Variants in WSCD2 observed in about 807,000 individuals in gnomAD.
WSCD2 encodes the protein WSC domain sialate O sulfotransferase 2.
A neutral mutation model predicts 55.7 loss-of-function variants in WSCD2; 28 were observed. That is an observed-to-expected ratio of 0.50 (90% CI 0.37 to 0.69). WSCD2 has a LOEUF of 0.69. WSCD2 is among the 30% of genes least tolerant of loss of function. The pLI, the probability that WSCD2 is intolerant of heterozygous loss-of-function variation, is 0.00. For synonymous variants in WSCD2, 301 were observed against 301.9 expected (o/e 1.00, Z 0.03); for missense variants, 616 against 762.1 (o/e 0.81, Z 2.26).
At chr12:108,226,202 A>G (rs1888065505) in intron 5 of WSCD2, among the ~76,000 whole-genome samples, 1 of 152,136 alleles carries the variant, frequency 6.6e-6, no homozygotes, top group African/African-American at 2.4e-5. Context: ...ACTGGCTACC[A>G]GGGAGAACTA....
intron 1 of WSCD2, among the ~76,000 whole-genome samples, chr12:108,163,143 G>A (rs193271279): frequency 1.1e-3 from 174 of 152,272 alleles, no homozygotes; most frequent in African/African-American, 4.0e-3. Context: ...CTGATTCCAA[G>A]TCTGAGCTCG....
rs558629592 is a variant in WSCD2 at position 108,184,299 on chromosome 12, C to A, written c.-551-10983C>A. On this transcript the variant is annotated intron_variant, in intron 1 of 8. Coordinates refer to ENST00000547525, the MANE Select transcript of WSCD2 (RefSeq NM_014653.4). ...AGAGGTGGGCTGGGGAGCACAGAGA[C>A]CACCTCTCCACCACCACCCCCCAAA... Among the ~76,000 whole-genome samples the A allele has an allele frequency of 5.9e-5, 9 of 152,228 alleles. No homozygotes were observed. In the South Asian group the frequency reaches 1.0e-3, roughly 18 times the overall value.
At chr12:108,150,209 C>G (rs1877832453) in intron 1 of WSCD2, among the ~76,000 whole-genome samples, 1 of 152,140 alleles carries the variant, frequency 6.6e-6, no homozygotes, top group African/African-American at 2.4e-5. Flanking sequence ...CAGTTGGTGG[C>G]AGAACCAGGG....
chr12:108,187,230 G>T (rs1882616978), intron 1 of WSCD2, among the ~76,000 whole-genome samples: 1 of 152,196 alleles, frequency 6.6e-6, no homozygotes, highest in Admixed American at 6.5e-5. Context: ...GCCTCTGTAA[G>T]CAAGGGGTGG....
intron 2 of WSCD2, among the ~76,000 whole-genome samples, chr12:108,204,810 G>C (rs969402020): frequency 1.3e-5 from 2 of 152,234 alleles, no homozygotes; most frequent in African/African-American, 2.4e-5. Flanking sequence ...TCAGGGGAAT[G>C]ATTGCTCAGT....
intron 1 of WSCD2, among the ~76,000 whole-genome samples, chr12:108,182,515 A>G (rs1881918559): frequency 6.6e-6 from 1 of 152,202 alleles, no homozygotes; most frequent in Non-Finnish European, 1.5e-5. Flanking sequence ...TATGCCCAGG[A>G]GAGAGGTCTG....
intron 1 of WSCD2, among the ~76,000 whole-genome samples, chr12:108,168,850 A>C (rs974249447): frequency 6.6e-6 from 1 of 152,198 alleles, no homozygotes; most frequent in Non-Finnish European, 1.5e-5. Context: ...GGTGTATAGC[A>C]AGTCCTCAAT....
chr12:108,164,138 CCTTTTTTTTTTT>C (rs1879376408), intron 1 of WSCD2, among the ~76,000 whole-genome samples: 1 of 71,706 alleles, frequency 1.4e-5, no homozygotes, highest in Non-Finnish European at 2.6e-5. Flanking sequence ...AATCTTAAAT[CCTTTTTTTTTTT>C]TTTTTTTTTT....
intron 1 of WSCD2, among the ~76,000 whole-genome samples, chr12:108,178,349 T>A (rs868308978): frequency 6.6e-6 from 1 of 151,920 alleles, no homozygotes; most frequent in Non-Finnish European, 1.5e-5. Context: ...ACACCCCCCC[T>A]AATAAAAAGT....
At chr12:108,150,742 G>A (rs777155125) in intron 1 of WSCD2, among the ~76,000 whole-genome samples, 13 of 152,112 alleles carry the variant, frequency 8.5e-5, no homozygotes, top group Non-Finnish European at 1.5e-4. Context: ...CACCCTGCCC[G>A]GATACGACTG....
intron 5 of WSCD2, 101 bp from the exon 6 acceptor site, chr12:108,226,886 GAGA>G (rs1340099483): frequency 4.3e-5 from 58 of 1,355,214 alleles, no homozygotes; most frequent in Non-Finnish European, 5.7e-5. Flanking sequence ...GAGACTGACA[GAGA>G]AGACAGTGGT....
chr12:108,155,102 T>C (rs1184347549), intron 1 of WSCD2, among the ~76,000 whole-genome samples: 1 of 152,186 alleles, frequency 6.6e-6, no homozygotes, highest in Non-Finnish European at 1.5e-5. Context: ...TCACATTCTT[T>C]TGTGGGGCCT....
intron 4 of WSCD2, among the ~76,000 whole-genome samples, chr12:108,221,835 A>G (rs1208851787): frequency 1.3e-5 from 2 of 152,198 alleles, no homozygotes; most frequent in Non-Finnish European, 2.9e-5. Context: ...TGAGGCCTGG[A>G]GGGACCACGC....
rs932166078 is a variant in WSCD2, at chr12:108,249,262, A to T, written c.*919A>T. The T allele has an allele frequency of 2.0e-5, 3 of 152,686 alleles. No individual in the cohort carries two copies. Among genetic ancestry groups the T allele is most frequent in the East Asian group, 1.9e-4 (1 of 5,186 alleles). The allele number at this position is 152,686 out of a possible 1,614,324, so 9.5% of individuals were successfully genotyped here. ...GACCCCTACAAATGGGTCCTTTGCTATCCAGGTGAGACAGCAAGAGTGTTC... is the reference window on the plus strand; with the variant it reads ...GACCCCTACAAATGGGTCCTTTGCTTTCCAGGTGAGACAGCAAGAGTGTTC... On this transcript the variant is annotated 3_prime_UTR_variant, in exon 9 of 9. Transcript: ENST00000547525.
rs147800475 is a variant in WSCD2, at chr12:108,233,047, A to ACC, written c.1144+158_1144+159dup. On this transcript the variant is annotated intron_variant, in intron 7 of 8. Transcript: ENST00000547525. The stretch of plus-strand genomic sequence containing the variant: ...TTTTGAGACTCACTGCATGCTTGGT[A>ACC]CCCCCCCACCTTCCTTTATGCCCCA... The ACC allele has an allele frequency of 1.0e-4, 101 of 980,158 alleles. No individual in the cohort carries two copies. In the African/African-American group the frequency reaches 1.5e-3, roughly 14 times the overall value. The allele number at this position is 980,158 out of a possible 1,614,324, so 60.7% of individuals were successfully genotyped here. A position where few individuals can be genotyped will look rare whatever the true frequency, so the allele number is the denominator to read the frequency against.
intron 1 of WSCD2, among the ~76,000 whole-genome samples, chr12:108,165,747 C>CT (rs1441383259): frequency 6.6e-6 from 1 of 152,148 alleles, no homozygotes; most frequent in African/African-American, 2.4e-5. Flanking sequence ...AATTGATTTA[C>CT]TTTTTTACTG....
In WSCD2 at chr12:108,133,158, G is replaced by A. The variant is rs769143861; in HGVS notation, c.-552+3232G>A. Among the ~76,000 whole-genome samples the A allele has an allele frequency of 3.9e-4, 60 of 152,270 alleles. 1 individual carries two copies. The highest frequency in any genetic ancestry group is 1.3e-3 in the African/African-American group (53 of 41,540). On this transcript the variant is annotated intron_variant, in intron 1 of 8. Transcript: ENST00000547525. ...GGTGTTTCTGAGTGTATGTGCCTCT[G>A]TGTAGCATTGCACACTTGAGCGTAT...
chr12:108,156,921 T>A (rs1482524084), intron 1 of WSCD2, among the ~76,000 whole-genome samples: 1 of 152,242 alleles, frequency 6.6e-6, no homozygotes, highest in East Asian at 1.9e-4. Flanking sequence ...TTTCTGGCAC[T>A]ACGTGTCTAG....
chr12:108,150,174 G>C (rs567830786), intron 1 of WSCD2, among the ~76,000 whole-genome samples: 1 of 152,294 alleles, frequency 6.6e-6, no homozygotes, highest in Non-Finnish European at 1.5e-5. Flanking sequence ...GCTCTGAGAG[G>C]TGCGGGGGTT....
Sources: gnomAD v4.1 joint callset for allele counts (sites outside exome capture counted in the v4.1 genomes callset) on GRCh38, gnomAD v4.1.1 for gene constraint, MANE v1.5 for transcripts, NCBI Gene and HGNC (gene_info 2026-07-23, HGNC 2026-07-21) for gene names.